PACS1: variants seen among roughly 807,000 people sequenced by gnomAD.
PACS1 encodes the protein phosphofurin acidic cluster sorting protein 1, also known as PACS-1.
PACS1 carries 24 observed loss-of-function variants against 115.0 expected under a neutral mutation model. The observed-to-expected ratio is 0.21, with a 90% CI of 0.15 to 0.29. The LOEUF is 0.29. Ranked by LOEUF, PACS1 falls within the 10% of genes least tolerant of loss-of-function variation. PACS1 has a pLI of 1.00. For missense variants in PACS1, 838 were observed against 1,251.2 expected, an observed-to-expected ratio of 0.67 and a Z score of 4.98; for synonymous variants, 453 against 504.5, an observed-to-expected ratio of 0.90 and a Z score of 1.37.
chr11:66,137,007 T>A (rs1446670347), intron 1 of PACS1, among the ~76,000 whole-genome samples: 3 of 146,068 alleles, frequency 2.1e-5, no homozygotes, highest in African/African-American at 7.7e-5. Flanking sequence ...ATGTCTTGGA[T>A]ATGAGTCACA....
chr11:66,090,127 C>CTAAAT (rs1857634100), intron 1 of PACS1, among the ~76,000 whole-genome samples: 2 of 151,842 alleles, frequency 1.3e-5, no homozygotes, highest in Non-Finnish European at 2.9e-5. Context: ...TGGATCCATC[C>CTAAAT]AGTTTGGGGT....
chr11:66,140,117 C>T (rs1858943659), intron 1 of PACS1, among the ~76,000 whole-genome samples: 1 of 152,168 alleles, frequency 6.6e-6, no homozygotes, highest in South Asian at 2.1e-4. Flanking sequence ...GACCATAGCT[C>T]AGTGCTTCTC....
rs1213676448 is a variant in PACS1 at position 66,230,383 on chromosome 11, A to G, written c.1375-165A>G. 4.9e-6 allele frequency: 3 copies of G among 613,760 alleles called. No homozygotes were observed. The African/African-American group carries it at 5.5e-5, about 11-fold the overall frequency. The allele number at this position is 613,760 out of a possible 1,614,324, so 38.0% of individuals were successfully genotyped here. On this transcript the variant is annotated intron_variant, in intron 11 of 23. Coordinates refer to ENST00000320580, the MANE Select transcript of PACS1 (RefSeq NM_018026.4). ...ACTCAGTCACCCGTGAACAGTGGCGATTTTCCTTCGGCTGAGGCAGGAGCT... is the reference window on the plus strand; with the variant it reads ...ACTCAGTCACCCGTGAACAGTGGCGGTTTTCCTTCGGCTGAGGCAGGAGCT...
intron 1 of PACS1, among the ~76,000 whole-genome samples, chr11:66,175,343 T>A (rs1468580374): frequency 2.0e-5 from 3 of 152,160 alleles, no homozygotes; most frequent in African/African-American, 7.2e-5. Context: ...TATGTTTGAT[T>A]GTGGATTCAT....
intron 1 of PACS1, among the ~76,000 whole-genome samples, chr11:66,142,712 C>T (rs778407030): frequency 5.3e-5 from 8 of 151,444 alleles, no homozygotes; most frequent in Non-Finnish European, 8.8e-5. Context: ...GAGTGGGGCT[C>T]CTGAAAAAGA....
chr11:66,133,449 G>A (rs1288587097), intron 1 of PACS1, among the ~76,000 whole-genome samples: 1 of 152,150 alleles, frequency 6.6e-6, no homozygotes, highest in Non-Finnish European at 1.5e-5. Flanking sequence ...TGCCAACCTC[G>A]ATGCAGGTCA....
intron 13 of PACS1, chr11:66,231,647 G>A (rs1855596966): frequency 6.1e-6 from 1 of 164,776 alleles, no homozygotes; most frequent in Non-Finnish European, 1.3e-5. Context: ...AAATGAACTT[G>A]AGACTAGAAT....
At chr11:66,164,701 A>T (rs1347788233) in intron 1 of PACS1, among the ~76,000 whole-genome samples, 1 of 142,274 alleles carries the variant, frequency 7.0e-6, no homozygotes, top group Non-Finnish European at 1.5e-5. Context: ...CTCCTGCCTC[A>T]GCCTCCCAAA....
At chr11:66,074,858 A>C (rs1382627608) in intron 1 of PACS1, among the ~76,000 whole-genome samples, 1 of 152,152 alleles carries the variant, frequency 6.6e-6, no homozygotes, top group Admixed American at 6.5e-5. Flanking sequence ...TATACGAGCC[A>C]AGATATACTA....
chr11:66,077,706 T>G (rs1857420421), intron 1 of PACS1, among the ~76,000 whole-genome samples: 2 of 149,920 alleles, frequency 1.3e-5, no homozygotes, highest in African/African-American at 4.9e-5. Flanking sequence ...TAAGTTTGTT[T>G]TTTTTTTTTT....
chr11:66,115,989 T>C (rs1003598089), intron 1 of PACS1, among the ~76,000 whole-genome samples: 2 of 152,230 alleles, frequency 1.3e-5, no homozygotes, highest in Admixed American at 6.5e-5. Context: ...TTTTAACTTA[T>C]TGTGATTAAG....
At chr11:66,082,507 A>AC (rs1565099744) in intron 1 of PACS1, among the ~76,000 whole-genome samples, 1 of 152,186 alleles carries the variant, frequency 6.6e-6, no homozygotes, top group East Asian at 1.9e-4. Context: ...ACCTTAAAAA[A>AC]AAACAAACAA....
At chr11:66,102,089 G>C (rs1377438798) in intron 1 of PACS1, among the ~76,000 whole-genome samples, 1 of 152,134 alleles carries the variant, frequency 6.6e-6, no homozygotes, top group Non-Finnish European at 1.5e-5. Flanking sequence ...TTTGAAACCA[G>C]AGCTACCTGA....
chr11:66,243,202 C>T lies in PACS1; in HGVS notation c.2814C>T (p.Phe938=), dbSNP rs1212163656. 6 of 1,613,632 alleles carry T rather than the reference C, an allele frequency of 3.7e-6. No homozygotes were observed. In the East Asian group the frequency reaches 8.9e-5, roughly 24 times the overall value. The change falls in exon 24 of 24, where the codon TTC becomes TTT. Residue 938 remains phenylalanine (F), a synonymous_variant. Transcript: ENST00000320580. ...GGGTCGAGTGGAGTGACATCAAGTT[C>T]TTCCAGCTGGCAGCCCAGTGGCCCA... ...IDGVEWSDIK[F]FQLAAQWPTH... is the part of the protein sequence containing the mutation.
chr11:66,243,036 G>A lies in PACS1; in HGVS notation c.2776+5G>A, dbSNP rs371976817. The A allele has an allele frequency of 9.4e-5, 151 of 1,613,740 alleles. No individual in the cohort carries two copies. The highest frequency in any genetic ancestry group is 1.6e-4 in the Middle Eastern group (1 of 6,080). ...AGCAGCAGACTATGCTGAGAGGTGC[G>A]AGGGCAGGCAGGGCCGGGAGGAGGG... is the stretch of plus-strand genomic sequence containing the variant. On this transcript the variant is annotated splice_donor_5th_base_variant and intron_variant, in intron 23 of 23. Coordinates refer to ENST00000320580, the MANE Select transcript of PACS1 (RefSeq NM_018026.4).
intron 4 of PACS1, among the ~76,000 whole-genome samples, chr11:66,215,174 C>T (rs1356193177): frequency 4.6e-5 from 7 of 151,498 alleles, no homozygotes; most frequent in Non-Finnish European, 7.4e-5. Flanking sequence ...CCTCATGATC[C>T]GCCTGCTTTG....
At chr11:66,232,122 A>G in intron 13 of PACS1, 50 bp from the exon 14 acceptor site, 1 of 1,213,430 alleles carries the variant, frequency 8.2e-7, no homozygotes, top group Non-Finnish European at 1.2e-6. Flanking sequence ...CCCTGTCCTC[A>G]GGCTCCCCAG....
intron 1 of PACS1, among the ~76,000 whole-genome samples, chr11:66,192,621 C>T (rs1488930242): frequency 6.6e-6 from 1 of 152,248 alleles, no homozygotes; most frequent in African/African-American, 2.4e-5. Context: ...CTGGACTTGT[C>T]ATGACTCTGG....
At chr11:66,178,802 T>C (rs1181358248) in intron 1 of PACS1, among the ~76,000 whole-genome samples, 1 of 152,150 alleles carries the variant, frequency 6.6e-6, no homozygotes, top group East Asian at 1.9e-4. Flanking sequence ...GTATCAACAA[T>C]AGTCAGAAAC....
Sources: allele counts gnomAD v4.1 joint callset (sites outside exome capture counted in the v4.1 genomes callset), GRCh38; gene constraint gnomAD v4.1.1; transcripts MANE v1.5; gene names NCBI Gene and HGNC (gene_info 2026-07-23, HGNC 2026-07-21).